NDUFA12: variants seen among roughly 807,000 people sequenced by gnomAD.
NDUFA12 encodes the protein NADH dehydrogenase [ubiquinone] 1 alpha subcomplex subunit 12.
Under a neutral mutation model 20.3 loss-of-function variants are expected in NDUFA12, and 17 were observed. The ratio of observed to expected loss-of-function variants is 0.84; its 90% CI spans 0.57 to 1.26. The LOEUF is 1.26. NDUFA12 is among the 50% of genes most tolerant of loss of function. The pLI, the probability that NDUFA12 is intolerant of heterozygous loss-of-function variation, is 0.00. For missense variants in NDUFA12, 191 were observed against 183.7 expected (o/e 1.04, Z -0.23); for synonymous variants, 72 against 63.6 (o/e 1.13, Z -0.63).
chr12:94,981,938 AC>A (rs1874252327), intron 3 of NDUFA12, among the ~76,000 whole-genome samples: 1 of 152,218 alleles, frequency 6.6e-6, no homozygotes, highest in Non-Finnish European at 1.5e-5. Flanking sequence ...AGGCCTTTAG[AC>A]CAGAGAGATA....
At chr12:94,983,701 C>T (rs780027699) in intron 3 of NDUFA12, among the ~76,000 whole-genome samples, 7 of 152,142 alleles carry the variant, frequency 4.6e-5, no homozygotes, top group Non-Finnish European at 1.0e-4. Flanking sequence ...GATCCCAAAT[C>T]TCACAACCTG....
chr12:94,985,344 G>A (rs1258161766), intron 3 of NDUFA12, among the ~76,000 whole-genome samples: 3 of 151,910 alleles, frequency 2.0e-5, no homozygotes, highest in Non-Finnish European at 2.9e-5. Flanking sequence ...TGGTTGGTAG[G>A]CCGGGCGCAG....
rs74612312 is a variant in NDUFA12, at chr12:94,982,563, C to T, written c.258-10943G>A. On this transcript the variant is annotated intron_variant, in intron 3 of 3. Transcript: ENST00000327772. ...GGTGCTGTGTGTGAGCCACCACGCC[C>T]GGCCCAGAAGCTATTTTCTTTAACT... 1.6e-3 allele frequency among the ~76,000 whole-genome samples: 243 copies of T among 152,094 alleles called. 1 individual carries two copies. The highest frequency in any genetic ancestry group is 5.7e-3 in the African/African-American group (234 of 41,404).
intron 2 of NDUFA12, 77 bp from the exon 3 acceptor site, chr12:94,994,334 C>T (rs1384448285): frequency 1.9e-6 from 2 of 1,072,734 alleles, no homozygotes; most frequent in Non-Finnish European, 2.8e-6. Context: ...AAGAAGACAA[C>T]CTTTTTATTA....
At chr12:94,975,192 A>T (rs898520326) in intron 3 of NDUFA12, among the ~76,000 whole-genome samples, 1 of 152,200 alleles carries the variant, frequency 6.6e-6, no homozygotes. Context: ...GTATGTCCTA[A>T]AACACTATAA....
chr12:94,996,224 T>G (rs1250030991), intron 2 of NDUFA12, among the ~76,000 whole-genome samples: 1 of 151,522 alleles, frequency 6.6e-6, no homozygotes, highest in Admixed American at 6.6e-5. Flanking sequence ...AGAAAAGAAT[T>G]TTAAATATAC....
chr12:94,985,863 T>A (rs1246798570), intron 3 of NDUFA12, among the ~76,000 whole-genome samples: 1 of 152,024 alleles, frequency 6.6e-6, no homozygotes, highest in East Asian at 1.9e-4. Flanking sequence ...GGTGGACAGA[T>A]CACCTGAGGT....
At chr12:94,974,761 C>T (rs1327064013) in intron 3 of NDUFA12, among the ~76,000 whole-genome samples, 1 of 152,006 alleles carries the variant, frequency 6.6e-6, no homozygotes, top group Non-Finnish European at 1.5e-5. Flanking sequence ...ACAAACATTG[C>T]ATGTTCTCAT....
Position 95,003,615 on chromosome 12 carries a change from G to C in NDUFA12, c.66C>G (p.Gly22=), listed in dbSNP as rs141719682. The C allele has an allele frequency of 7.4e-4, 1,196 of 1,614,190 alleles. 5 individuals are homozygous for C. The highest frequency in any genetic ancestry group is 9.1e-4 in the Non-Finnish European group (1,073 of 1,180,034). The change falls in exon 1 of 4, where the codon GGC becomes GGG. Residue 22 remains glycine (G), a synonymous_variant. Coordinates refer to ENST00000327772, the MANE Select transcript of NDUFA12 (RefSeq NM_018838.5). ...QQITGHGGLR[G]YLRVFFRTND... ...CCTACCTGAAAAAAACCCGTAGATA[G>C]CCTCGGAGACCGCCGTGGCCGGTGA...
Position 95,002,786 on chromosome 12 carries a change from T to C in NDUFA12, c.122A>G (p.Glu41Gly). The C allele has an allele frequency of 6.2e-7, 1 of 1,614,022 alleles. No homozygotes were observed. The highest frequency in any genetic ancestry group is 8.5e-7 in the Non-Finnish European group (1 of 1,179,952). The change falls in exon 2 of 4, where the codon GAA (glutamate) becomes GGA (glycine). Residue 41 changes from glutamate to glycine, a missense_variant. Transcript: ENST00000327772. ...NDAKVGTLVG[E>G]DKYGNKYYED... ...ATAGTATTTGTTTCCATATTTGTCT[T>C]CCCCCACTAATGTACCAACCTTCGC...
At chr12:94,988,945 T>C (rs1874542963) in intron 3 of NDUFA12, among the ~76,000 whole-genome samples, 1 of 152,292 alleles carries the variant, frequency 6.6e-6, no homozygotes, top group Non-Finnish European at 1.5e-5. Flanking sequence ...GCCCTAGCTA[T>C]TTCTCCTACC....
At chr12:94,982,287 T>A (rs1057150831) in intron 3 of NDUFA12, among the ~76,000 whole-genome samples, 1 of 151,188 alleles carries the variant, frequency 6.6e-6, no homozygotes, top group African/African-American at 2.4e-5. Flanking sequence ...TTTTTTTTTT[T>A]TTTTTTGAGA....
intron 2 of NDUFA12, among the ~76,000 whole-genome samples, chr12:95,002,172 T>G (rs570855488): frequency 2.0e-3 from 305 of 150,906 alleles, no homozygotes; most frequent in African/African-American, 7.0e-3. Flanking sequence ...CTGGACGCAG[T>G]GGCTCACGCC....
chr12:94,971,353 T>C lies in NDUFA12; in HGVS notation c.*87A>G. 1 of 1,449,210 alleles carries C rather than the reference T, an allele frequency of 6.9e-7. No homozygotes were observed. Among genetic ancestry groups the C allele is most frequent in the Non-Finnish European group, 9.7e-7 (1 of 1,033,616 alleles). 89.8% of individuals were successfully genotyped at this position (1,449,210 alleles called of 1,614,324 possible). On this transcript the variant is annotated 3_prime_UTR_variant, in exon 4 of 4. Transcript: ENST00000327772. ...CATTGTTTAGTCACACAATTTTAAT[T>C]GTGAATTATAGTGAATGGTAAACAG... is the stretch of plus-strand genomic sequence containing the variant.
chr12:94,974,276 T>TA (rs1317977479), intron 3 of NDUFA12, among the ~76,000 whole-genome samples: 1 of 151,560 alleles, frequency 6.6e-6, no homozygotes, highest in East Asian at 1.9e-4. Flanking sequence ...CAAGGAGCAG[T>TA]AAAAAAAACC....
intron 3 of NDUFA12, among the ~76,000 whole-genome samples, chr12:94,986,227 C>T (rs1162335936): frequency 3.3e-5 from 5 of 151,500 alleles, no homozygotes; most frequent in Non-Finnish European, 5.9e-5. Context: ...GGAGACAGAA[C>T]AAGACCCTGT....
rs1337804419 is a variant in NDUFA12, at chr12:94,979,450, G to A, written c.258-7830C>T. On this transcript the variant is annotated intron_variant, in intron 3 of 3. Transcript: ENST00000327772. The stretch of plus-strand genomic sequence containing the variant: ...TCTTTTAATGGTGATTATAAGGATT[G>A]TTTTAATAACATGAAAAATTGCTTA... Among the ~76,000 whole-genome samples, 4 of 152,194 alleles carry A rather than the reference G, an allele frequency of 2.6e-5. No homozygotes were observed. The South Asian group carries it at 6.2e-4, about 24-fold the overall frequency.
At chr12:95,001,922 C>G (rs1452082784) in intron 2 of NDUFA12, among the ~76,000 whole-genome samples, 1 of 151,766 alleles carries the variant, frequency 6.6e-6, no homozygotes, top group Non-Finnish European at 1.5e-5. Context: ...GCAGGATGCT[C>G]TCGATCTCCT....
intron 2 of NDUFA12, 61 bp downstream of exon 2, chr12:95,002,678 T>G: frequency 8.1e-7 from 1 of 1,230,844 alleles, no homozygotes; most frequent in Non-Finnish European, 1.2e-6. Flanking sequence ...ATATGGAAAA[T>G]AGACTCAAAT....
Sources: allele counts gnomAD v4.1 joint callset (sites outside exome capture counted in the v4.1 genomes callset), GRCh38; gene constraint gnomAD v4.1.1; transcripts MANE v1.5; gene names NCBI Gene and HGNC (gene_info 2026-07-23, HGNC 2026-07-21).